The following C5orf63 variants were observed in gnomAD, a reference collection of about 807,000 sequenced individuals.
The protein encoded by C5orf63 is glutaredoxin-like protein C5orf63.
In C5orf63, 18 loss-of-function variants were observed where a neutral mutation model predicts 13.3. That is an observed-to-expected ratio of 1.36 (90% CI 0.94 to 2.01). The LOEUF (loss-of-function observed/expected upper bound fraction) is 2.01. Among genes scored for constraint, C5orf63 ranks in the 30% most tolerant of loss-of-function variants. The pLI is 0.00. For missense variants in C5orf63, 118 were observed against 127.7 expected (o/e 0.92, Z 0.36); for synonymous variants, 38 against 44.7 (o/e 0.85, Z 0.60).
intron 3 of C5orf63, among the ~76,000 whole-genome samples, chr5:127,057,892 T>C (rs780837300): frequency 6.6e-6 from 1 of 152,202 alleles, no homozygotes; most frequent in Non-Finnish European, 1.5e-5. Flanking sequence ...CTAGTGTTCC[T>C]AAGCACAAGA....
chr5:127,057,129 T>C (rs1356695510), intron 3 of C5orf63, among the ~76,000 whole-genome samples: 1 of 152,246 alleles, frequency 6.6e-6, no homozygotes, highest in South Asian at 2.1e-4. Flanking sequence ...TTTCCCATCA[T>C]AGACTCTCAG....
downstream of C5orf63, chr5:127,048,004 A>G: frequency 1.6e-6 from 1 of 611,380 alleles, no homozygotes; most frequent in Non-Finnish European, 2.9e-6. Context: ...GGACCCAATA[A>G]ACAGTTAAAG....
At chr5:127,064,189 T>C (rs185288304) in intron 2 of C5orf63, among the ~76,000 whole-genome samples, 18 of 152,194 alleles carry the variant, frequency 1.2e-4, no homozygotes, top group African/African-American at 4.1e-4. Flanking sequence ...AGGTGCCATA[T>C]AGGGACAAAA....
At position 127,058,921 on chromosome 5, in the gene C5orf63, G is replaced by A; in HGVS notation, c.75C>T (p.Ala25=). The change falls in exon 3 of 5, where the codon GCC becomes GCT. Residue 25 remains alanine (A), a synonymous_variant. Coordinates refer to ENST00000296662, the MANE Select transcript of C5orf63 (RefSeq NM_001164478.2). ...SFGLFLRNCS[A]SKTTLPVLTL... Reference sequence around the variant, plus strand: ...TCAACACAGGCAGAGTTGTCTTAGAGGCAGAGCAATTTCTCAAGAAGAGTC... The same window carrying A: ...TCAACACAGGCAGAGTTGTCTTAGAAGCAGAGCAATTTCTCAAGAAGAGTC... 6.5e-7 allele frequency: 1 copy of A among 1,537,026 alleles called. No individual in the cohort carries two copies. The highest frequency in any genetic ancestry group is 8.7e-7 in the Non-Finnish European group (1 of 1,146,638).
rs147329124 is a variant in C5orf63 at position 127,071,401 on chromosome 5, T to G, written c.-8+183A>C. On this transcript the variant is annotated intron_variant, in intron 2 of 4. Transcript: ENST00000296662. The stretch of plus-strand genomic sequence containing the variant: ...AAGAGAGTAACATTTTCATGTTTCC[T>G]GTTCTCCGTGGCTGTACTGGGATGG... Among the ~76,000 whole-genome samples, 857 of 152,372 alleles carry G rather than the reference T, an allele frequency of 5.6e-3. 7 individuals are homozygous for G. Among genetic ancestry groups the G allele is most frequent in the African/African-American group, 0.02 (831 of 41,584 alleles).
At chr5:127,064,437 T>C (rs1415171884) in intron 2 of C5orf63, among the ~76,000 whole-genome samples, 1 of 152,096 alleles carries the variant, frequency 6.6e-6, no homozygotes, top group African/African-American at 2.4e-5. Context: ...GCAACAAAGA[T>C]CCTGAGCTAA....
At chr5:127,064,376 A>G (rs971307982) in intron 2 of C5orf63, among the ~76,000 whole-genome samples, 1 of 152,170 alleles carries the variant, frequency 6.6e-6, no homozygotes, top group Non-Finnish European at 1.5e-5. Context: ...TCTCAGCCTT[A>G]GCATCCAGGT....
downstream of C5orf63, chr5:127,043,582 T>C (rs1480614775): frequency 2.0e-5 from 3 of 152,222 alleles, no homozygotes. Context: ...CTTAATCTCC[T>C]CTGACCTTAA....
chr5:127,071,508 C>T (rs1024123051), intron 2 of C5orf63, 76 bp downstream of exon 2: 1 of 152,242 alleles, frequency 6.6e-6, no homozygotes, highest in East Asian at 1.9e-4. Context: ...ATGATTTTGT[C>T]CCTAGAATTT....
At chr5:127,049,947 G>A (rs955883211), downstream of C5orf63, among the ~76,000 whole-genome samples, 20 of 152,150 alleles carry the variant, frequency 1.3e-4, no homozygotes, top group African/African-American at 2.4e-4. Flanking sequence ...GTTTTTGGCC[G>A]AGAATTACTC....
chr5:127,070,608 T>C (rs1216175290), intron 2 of C5orf63, among the ~76,000 whole-genome samples: 1 of 152,214 alleles, frequency 6.6e-6, no homozygotes, highest in South Asian at 2.1e-4. Context: ...AGACTTAAAA[T>C]AGTGACCAGA....
At chr5:127,050,391 G>T (rs61021974), downstream of C5orf63, among the ~76,000 whole-genome samples, 992 of 151,914 alleles carry the variant, frequency 6.5e-3, 13 homozygotes, top group African/African-American at 0.022. Flanking sequence ...ATGTTGCTCA[G>T]GCTGGACTCA....
downstream of C5orf63, among the ~76,000 whole-genome samples, chr5:127,050,079 G>A (rs1753620451): frequency 6.6e-6 from 1 of 152,154 alleles, no homozygotes; most frequent in Admixed American, 6.5e-5. Flanking sequence ...ACTAACCAGA[G>A]AGAATTCTCT....
At chr5:127,070,329 T>G (rs1754489885) in intron 2 of C5orf63, among the ~76,000 whole-genome samples, 1 of 152,172 alleles carries the variant, frequency 6.6e-6, no homozygotes, top group Non-Finnish European at 1.5e-5. Context: ...TAATTCAACG[T>G]CATGTCCTTC....
intron 2 of C5orf63, among the ~76,000 whole-genome samples, chr5:127,066,935 G>A (rs1197026526): frequency 1.3e-5 from 2 of 152,168 alleles, no homozygotes; most frequent in Non-Finnish European, 2.9e-5. Flanking sequence ...AGTGTTTCCA[G>A]AATGACAGAA....
chr5:127,052,253 T>C (rs941279747), intron 4 of C5orf63: 10 of 330,264 alleles, frequency 3.0e-5, no homozygotes, highest in Admixed American at 2.3e-4. Flanking sequence ...ACAGAAATGT[T>C]TTGGTTACAG....
chr5:127,072,516 A>G (rs1353206817), intron 1 of C5orf63, among the ~76,000 whole-genome samples: 1 of 152,202 alleles, frequency 6.6e-6, no homozygotes, highest in African/African-American at 2.4e-5. Context: ...CTGCTTAAAC[A>G]AGACAATGTA....
At chr5:127,047,388 T>C, downstream of C5orf63, 1 of 292,914 alleles carries the variant, frequency 3.4e-6, no homozygotes, top group East Asian at 6.5e-5. Flanking sequence ...ACACTGATAC[T>C]TGACAGTGGG....
intron 2 of C5orf63, among the ~76,000 whole-genome samples, chr5:127,064,838 C>T (rs1754258810): frequency 6.6e-6 from 1 of 152,240 alleles, no homozygotes; most frequent in Non-Finnish European, 1.5e-5. Context: ...ATTCAACACA[C>T]TGCTCAGTTG....
Sources: gnomAD v4.1 joint callset for allele counts (sites outside exome capture counted in the v4.1 genomes callset) on GRCh38, gnomAD v4.1.1 for gene constraint, MANE v1.5 for transcripts, NCBI Gene and HGNC (gene_info 2026-07-23, HGNC 2026-07-21) for gene names.